The following GRID2 variants were observed in gnomAD, a reference collection of about 807,000 sequenced individuals.
The protein encoded by GRID2 is glutamate receptor ionotropic, delta-2.
Under a neutral mutation model 114.8 loss-of-function variants are expected in GRID2, and 33 were observed. That is an observed-to-expected ratio of 0.29 (90% CI 0.22 to 0.38). The LOEUF is 0.38. Among genes scored for constraint, GRID2 ranks in the 10% least tolerant of loss-of-function variants. GRID2 has a pLI of 1.00. For missense variants in GRID2, 1,184 were observed against 1,257.7 expected (o/e 0.94, Z 0.89); for synonymous variants, 505 against 449.9 (o/e 1.12, Z -1.55).
intron 1 of GRID2, among the ~76,000 whole-genome samples, chr4:92,327,586 A>C (rs1215051818): frequency 1.3e-5 from 2 of 151,924 alleles, no homozygotes; most frequent in Admixed American, 6.6e-5. Context: ...TTTATAGTAA[A>C]CTAGCCCAGT....
chr4:92,642,920 G>T (rs1731429506), intron 2 of GRID2, among the ~76,000 whole-genome samples: 4 of 151,612 alleles, frequency 2.6e-5, no homozygotes, highest in Admixed American at 2.6e-4. Context: ...TATAGGGTGT[G>T]GGGCTTTATT....
At chr4:93,083,984 T>C (rs1246139474) in intron 2 of GRID2, among the ~76,000 whole-genome samples, 3 of 152,094 alleles carry the variant, frequency 2.0e-5, no homozygotes, top group Non-Finnish European at 4.4e-5. Context: ...CTTTAAGTTT[T>C]TAAAGAACTA....
intron 1 of GRID2, among the ~76,000 whole-genome samples, chr4:93,802,531 T>A (rs1310213134): frequency 6.6e-6 from 1 of 152,168 alleles, no homozygotes; most frequent in Non-Finnish European, 1.5e-5. Flanking sequence ...ATGACCAAAG[T>A]CCCAAGAAAA....
At chr4:92,565,427 G>C (rs2122523) in intron 1 of GRID2, among the ~76,000 whole-genome samples, 13 of 151,868 alleles carry the variant, frequency 8.6e-5, no homozygotes, top group Admixed American at 8.5e-4. Context: ...TTATATGACA[G>C]TATAAGAAGA....
intron 2 of GRID2, among the ~76,000 whole-genome samples, chr4:92,872,654 G>A (rs1423839353): frequency 2.0e-5 from 3 of 152,164 alleles, no homozygotes; most frequent in African/African-American, 7.2e-5. Context: ...TTAAGGAAGA[G>A]GTGAACATAT....
At chr4:92,965,671 G>A (rs1338384864) in intron 2 of GRID2, among the ~76,000 whole-genome samples, 2 of 151,682 alleles carry the variant, frequency 1.3e-5, no homozygotes, top group African/African-American at 4.8e-5. Flanking sequence ...TTGCAATGGA[G>A]TGATGATTTC....
chr4:92,882,313 T>G (rs1294046489), intron 2 of GRID2, among the ~76,000 whole-genome samples: 5 of 152,190 alleles, frequency 3.3e-5, no homozygotes, highest in Non-Finnish European at 7.3e-5. Flanking sequence ...CAGGTGTGGT[T>G]TACACATATT....
At chr4:93,458,069 A>G (rs1723374347) in intron 11 of GRID2, among the ~76,000 whole-genome samples, 1 of 152,144 alleles carries the variant, frequency 6.6e-6, no homozygotes, top group South Asian at 2.1e-4. Flanking sequence ...CTGATTGAGG[A>G]CCACTGGCCC....
At chr4:92,828,368 A>G (rs894952928) in intron 2 of GRID2, among the ~76,000 whole-genome samples, 1 of 152,120 alleles carries the variant, frequency 6.6e-6, no homozygotes, top group Non-Finnish European at 1.5e-5. Flanking sequence ...GTAAATTAAT[A>G]GTTTTAATTG....
intron 4 of GRID2, among the ~76,000 whole-genome samples, chr4:93,124,045 A>G (rs1734039886): frequency 6.6e-6 from 1 of 151,056 alleles, no homozygotes; most frequent in Non-Finnish European, 1.5e-5. Flanking sequence ...AGCATGGCAC[A>G]TGTATACATA....
chr4:92,861,239 T>C (rs1449309656), intron 2 of GRID2, among the ~76,000 whole-genome samples: 1 of 152,066 alleles, frequency 6.6e-6, no homozygotes, highest in African/African-American at 2.4e-5. Flanking sequence ...CTGTGGGTCA[T>C]AACTCAGAAA....
intron 5 of GRID2, among the ~76,000 whole-genome samples, chr4:93,216,268 G>A (rs1170357177): frequency 6.6e-6 from 1 of 151,814 alleles, no homozygotes; most frequent in Admixed American, 6.6e-5. Flanking sequence ...ATGTGTGTGT[G>A]TGCATGTGTG....
intron 2 of GRID2, among the ~76,000 whole-genome samples, chr4:93,066,777 T>C (rs1007984198): frequency 3.3e-5 from 5 of 152,034 alleles, no homozygotes; most frequent in Non-Finnish European, 7.4e-5. Context: ...AGTTTGTCTT[T>C]GGCATATTCA....
Position 93,054,771 on chromosome 4 carries a change from T to C in GRID2, c.245-30224T>C, listed in dbSNP as rs1190628258. ...GAATATGGAAATATAATTTTTCACA[T>C]TCCTTTGAAATCTGGAAGAGAAATG... On this transcript the variant is annotated intron_variant, in intron 2 of 15. Coordinates refer to ENST00000282020, the MANE Select transcript of GRID2 (RefSeq NM_001510.4). Among the ~76,000 whole-genome samples, 3 of 151,894 alleles carry C rather than the reference T, an allele frequency of 2.0e-5. No homozygotes were observed. The Admixed American group carries it at 2.0e-4, about 10-fold the overall frequency.
chr4:92,706,877 A>C (rs2149306047), intron 2 of GRID2, among the ~76,000 whole-genome samples: 1 of 152,300 alleles, frequency 6.6e-6, no homozygotes, highest in Admixed American at 6.5e-5. Context: ...AAAGTTTGCC[A>C]ACAGTGTTGT....
chr4:93,117,773 A>C (rs1733413850), intron 4 of GRID2, among the ~76,000 whole-genome samples: 1 of 152,202 alleles, frequency 6.6e-6, no homozygotes, highest in Non-Finnish European at 1.5e-5. Flanking sequence ...CACAGAAAAT[A>C]CTTGTGTTAG....
At position 93,792,932 on chromosome 4, in the gene GRID2, G is replaced by A. The variant is rs747010218; in HGVS notation, c.222-13783G>A. On this transcript the variant is annotated intron_variant, in intron 1 of 1. Coordinates refer to the GRID2 transcript ENST00000637838. ...CCACATCCACTGCTCCAGGTAGGAC[G>A]TCAGGTTCCACAGATTTTTCCCACC... 6.9e-4 allele frequency among the ~76,000 whole-genome samples: 105 copies of A among 152,076 alleles called. 1 individual carries two copies. Among genetic ancestry groups the A allele is most frequent in the Non-Finnish European group, 1.3e-3 (86 of 68,022 alleles).
Position 93,490,627 on chromosome 4 carries a change from T to C in GRID2, c.1859-12T>C, listed in dbSNP as rs1436892677. 1.2e-6 allele frequency: 2 copies of C among 1,602,958 alleles called. No homozygotes were observed. The highest frequency in any genetic ancestry group is 1.7e-6 in the Non-Finnish European group (2 of 1,171,908). ...GTTGATGTTCTTTTTATCTCTTTGCTTCTTTCTACAGGCGGGGAAGTCCCG... is the reference window on the plus strand; with the variant it reads ...GTTGATGTTCTTTTTATCTCTTTGCCTCTTTCTACAGGCGGGGAAGTCCCG... On this transcript the variant is annotated splice_polypyrimidine_tract_variant and intron_variant, in intron 11 of 15. Transcript: ENST00000282020.
chr4:92,731,603 T>C (rs1429506451), intron 2 of GRID2, among the ~76,000 whole-genome samples: 1 of 152,010 alleles, frequency 6.6e-6, no homozygotes, highest in Non-Finnish European at 1.5e-5. Flanking sequence ...GGTGTTAGCC[T>C]AAGTAGTAAT....
Sources: gnomAD v4.1 joint callset for allele counts (sites outside exome capture counted in the v4.1 genomes callset) on GRCh38, gnomAD v4.1.1 for gene constraint, MANE v1.5 for transcripts, NCBI Gene and HGNC (gene_info 2026-07-23, HGNC 2026-07-21) for gene names.